Variants in ACOX1 observed in about 807,000 individuals in gnomAD.
ACOX1 encodes peroxisomal acyl-coenzyme A oxidase 1.
In ACOX1, 41 loss-of-function variants were observed where a neutral mutation model predicts 75.5. The observed-to-expected ratio is 0.54, with a 90% confidence interval of 0.42 to 0.70. The LOEUF (loss-of-function observed/expected upper bound fraction) is 0.70, where lower values mean the gene tolerates loss of function less well. Ranked by LOEUF, ACOX1 falls within the 30% of genes least tolerant of loss-of-function variation. The pLI is 0.00. For synonymous variants in ACOX1, 303 were observed against 298.8 expected (o/e 1.01, Z -0.15); for missense variants, 630 against 837.5 (o/e 0.75, Z 3.06).
Position 75,943,162 on chromosome 17 carries a change from A to T in ACOX1, c.*3586T>A, listed in dbSNP as rs2144218258. 6.7e-6 allele frequency: 1 copy of T among 149,360 alleles called. No individual in the cohort carries two copies. Among genetic ancestry groups the T allele is most frequent in the African/African-American group, 2.5e-5 (1 of 40,538 alleles). 9.3% of individuals were successfully genotyped at this position (149,360 alleles called of 1,614,324 possible). ...AATCGCTCGAACCCGGGAGGTGAAG[A>T]TTGCAGTGAAGTCGAGATCGCACCA... On this transcript the variant is annotated 3_prime_UTR_variant, in exon 14 of 14. Coordinates refer to ENST00000293217, the MANE Select transcript of ACOX1 (RefSeq NM_004035.7).
rs762956777 is a variant in ACOX1 at position 75,949,727 on chromosome 17, C to T, written c.1469G>A (p.Arg490His). 89 of 1,614,024 alleles carry T rather than the reference C, an allele frequency of 5.5e-5. No individual in the cohort carries two copies. The highest frequency in any genetic ancestry group is 2.9e-4 in the South Asian group (26 of 91,088). The change falls in exon 10 of 14, where the codon CGT becomes CAT. Residue 490 changes from arginine to histidine, a missense_variant. Arg to His is a conservative substitution (Grantham distance 29). Around this residue, in one of 2 missense-constraint regions of ACOX1, gnomAD observed 240 missense variants for 262.7 expected, o/e 0.91. Coordinates refer to ENST00000293217, the MANE Select transcript of ACOX1 (RefSeq NM_004035.7). ...PESLTEAYKLRAARLVEIAAK... is the reference protein window; with the variant it reads ...PESLTEAYKLHAARLVEIAAK... The stretch of plus-strand genomic sequence containing the variant: ...TTGAGGGAGAGCTCACCTGGCTGCA[C>T]GGAGTTTATATGCTTCGGTTAGGCT...
rs200608977 is a variant in ACOX1, at chr17:75,949,778, G to A, written c.1418C>T (p.Thr473Ile). The A allele has an allele frequency of 2.6e-4, 427 of 1,614,120 alleles. 1 individual carries two copies. Among genetic ancestry groups the A allele is most frequent in the Admixed American group, 1.0e-3 (61 of 59,996 alleles). The change falls in exon 10 of 14, where the codon ACC becomes ATC. Residue 473 changes from threonine (T) to isoleucine (I), a missense_variant. By Grantham distance (89) the Thr-to-Ile change is moderately conservative (BLOSUM62 -1). Around this residue, in one of 2 missense-constraint regions of ACOX1, gnomAD observed 240 missense variants for 262.7 expected, o/e 0.91. Transcript: ENST00000293217. ...IQPQQVAVWP[T>I]MVDINSPESL... ...TTCGGGGCTGTTGATATCCACCATG[G>A]TTGGCCAGACTGCTACCTGCTGTGG...
At chr17:75,965,567 T>C (rs770198197) in intron 2 of ACOX1, among the ~76,000 whole-genome samples, 1 of 144,738 alleles carries the variant, frequency 6.9e-6, no homozygotes, top group African/African-American at 2.5e-5. Context: ...CAAGCTTAAA[T>C]ACCAAATACA....
chr17:75,956,913 CTCTCTCTCT>C lies in ACOX1; in HGVS notation c.538+537_538+545del, dbSNP rs1567877663. ...ATGTGCCGCTATGCCTGGCTTTCCT[CTCTCTCTCT>C]CTCTCTCTCTCTCTCTCTCTCTCTC... On this transcript the variant is annotated intron_variant, in intron 4 of 13. Coordinates refer to ENST00000293217, the MANE Select transcript of ACOX1 (RefSeq NM_004035.7). Among the ~76,000 whole-genome samples the C allele has an allele frequency of 9.5e-4, 41 of 42,932 alleles. 5 individuals are homozygous for C. Among genetic ancestry groups the C allele is most frequent in the African/African-American group, 1.7e-3 (17 of 10,112 alleles). 28.2% of individuals were successfully genotyped at this position (42,932 alleles called of 152,430 possible).
chr17:75,942,340 G>C lies in ACOX1; in HGVS notation c.*4408C>G, dbSNP rs1024601800. 1 of 143,558 alleles carries C rather than the reference G, an allele frequency of 7.0e-6. No homozygotes were observed. Among genetic ancestry groups the C allele is most frequent in the African/African-American group, 2.6e-5 (1 of 38,404 alleles). 8.9% of individuals were successfully genotyped at this position (143,558 alleles called of 1,614,324 possible). On this transcript the variant is annotated 3_prime_UTR_variant, in exon 14 of 14. Transcript: ENST00000293217. ...CAGCTTCTCAGGAGGCTGAGGCAGA[G>C]AATTGCTTGAACCCGGGAGGCAGAG... is the stretch of plus-strand genomic sequence containing the variant.
rs12325804 is a variant in ACOX1, at chr17:75,953,306, G to C, written c.944+145C>G. 46 of 832,918 alleles carry C rather than the reference G, an allele frequency of 5.5e-5. No individual in the cohort carries two copies. The African/African-American group carries it at 7.1e-4, about 13-fold the overall frequency. 51.6% of individuals were successfully genotyped at this position (832,918 alleles called of 1,614,324 possible). On this transcript the variant is annotated intron_variant, in intron 7 of 13. Coordinates refer to ENST00000293217, the MANE Select transcript of ACOX1 (RefSeq NM_004035.7). ...TTTCCTCTTAAGAAAAGGAAGCCTA[G>C]ATATGAAATTACAGGCCCAGTTATC... is the stretch of plus-strand genomic sequence containing the variant.
At chr17:75,964,898 A>G (rs1412035972) in intron 2 of ACOX1, among the ~76,000 whole-genome samples, 1 of 152,210 alleles carries the variant, frequency 6.6e-6, no homozygotes, top group Non-Finnish European at 1.5e-5. Context: ...TACTGAGGAA[A>G]AACCAATTAG....
chr17:75,971,977 C>T (rs1220613504), intron 2 of ACOX1, among the ~76,000 whole-genome samples: 1 of 152,096 alleles, frequency 6.6e-6, no homozygotes, highest in African/African-American at 2.4e-5. Context: ...TTACAACACA[C>T]ACACACACCA....
Position 75,946,594 on chromosome 17 carries a change from A to C in ACOX1, c.*154T>G. 1.4e-6 allele frequency: 1 copy of C among 690,808 alleles called. No individual in the cohort carries two copies. The highest frequency in any genetic ancestry group is 1.6e-5 in the South Asian group (1 of 62,570). 42.8% of individuals were successfully genotyped at this position (690,808 alleles called of 1,614,324 possible). On this transcript the variant is annotated 3_prime_UTR_variant, in exon 14 of 14. Transcript: ENST00000293217. ...TTAAAACATCTGCTTTTTTTCATTT[A>C]ATCTCTGAAATCTGTTCATTTTTTC...
chr17:75,957,329 C>T, intron 4 of ACOX1, 130 bp downstream of exon 4: 1 of 832,424 alleles, frequency 1.2e-6, no homozygotes, highest in South Asian at 1.4e-5. Context: ...GATCTGCCCA[C>T]CTCAGCCTCC....
rs185329691 is a variant in ACOX1, at chr17:75,949,484, C to T, written c.1584+11G>A. 156 of 1,613,876 alleles carry T rather than the reference C, an allele frequency of 9.7e-5. 1 individual carries two copies. The East Asian group carries it at 3.1e-3, about 32-fold the overall frequency. On this transcript the variant is annotated intron_variant, in intron 11 of 13. Coordinates refer to ENST00000293217, the MANE Select transcript of ACOX1 (RefSeq NM_004035.7). ...GGCAGGGAAGGGGAAAAAGAGAGAA[C>T]TACCACTGACCTCACTTGCTCGAAC...
At position 75,950,947 on chromosome 17, in the gene ACOX1, A is replaced by C; in HGVS notation, c.1125T>G (p.Ala375=). The C allele has an allele frequency of 6.2e-7, 1 of 1,614,152 alleles. No homozygotes were observed. The highest frequency in any genetic ancestry group is 8.5e-7 in the Non-Finnish European group (1 of 1,180,014). The change falls in exon 9 of 14, where the codon GCT becomes GCG. Residue 375 remains alanine, a synonymous_variant. Coordinates refer to ENST00000293217, the MANE Select transcript of ACOX1 (RefSeq NM_004035.7). This position sits in a 1 kb window ranked among gnomAD's most constrained non-coding sequence, Gnocchi z 4.3. ...SELPELHALT[A]GLKAFTSWTA... ...TCCAGGAGGTGAAAGCCTTCAGTCC[A>C]GCGGTGAGGGCATGAAGCTGAGAGG...
intron 3 of ACOX1, among the ~76,000 whole-genome samples, chr17:75,959,208 C>T (rs901068836): frequency 6.6e-6 from 1 of 152,176 alleles, no homozygotes; most frequent in Non-Finnish European, 1.5e-5. Flanking sequence ...AGTTGAATAA[C>T]CAACTTATGT....
In ACOX1 at chr17:75,942,429, C is replaced by CAAAAAAAAAAAAAAAAA. The variant is rs35173085; in HGVS notation, c.*4302_*4318dup. ...TGGGTGAAAGAGCAAGACAACGTCT[C>CAAAAAAAAAAAAAAAAA]AAAAAAAAAAAAAAAAAAAAAAGCA... is the stretch of plus-strand genomic sequence containing the variant. On this transcript the variant is annotated 3_prime_UTR_variant, in exon 14 of 14. Transcript: ENST00000293217. 1.5e-5 allele frequency: 1 copy of CAAAAAAAAAAAAAAAAA among 66,634 alleles called. No homozygotes were observed. 4.1% of individuals were successfully genotyped at this position (66,634 alleles called of 1,614,324 possible).
rs942060375 is a variant in ACOX1 at position 75,978,244 on chromosome 17, G to A, written c.269+290C>T. Among the ~76,000 whole-genome samples, 1 of 151,978 alleles carries A rather than the reference G, an allele frequency of 6.6e-6. No homozygotes were observed. The highest frequency in any genetic ancestry group is 1.5e-5 in the Non-Finnish European group (1 of 68,004). ...CGAGTAGCTGGAACTACAGGCGCCC[G>A]CCACCACGCCCGGCTAATTTTTGTA... is the stretch of plus-strand genomic sequence containing the variant. On this transcript the variant is annotated intron_variant, in intron 2 of 13. Coordinates refer to ENST00000293217, the MANE Select transcript of ACOX1 (RefSeq NM_004035.7). This position sits in a 1 kb window ranked among gnomAD's most constrained non-coding sequence, Gnocchi z 4.2.
At chr17:75,972,020 A>C (rs1210741659) in intron 2 of ACOX1, among the ~76,000 whole-genome samples, 2 of 152,146 alleles carry the variant, frequency 1.3e-5, no homozygotes, top group African/African-American at 4.8e-5. Flanking sequence ...CAGATACTCC[A>C]AGCGAGGAGG....
At chr17:75,971,749 A>G (rs967542934) in intron 2 of ACOX1, among the ~76,000 whole-genome samples, 10 of 151,962 alleles carry the variant, frequency 6.6e-5, no homozygotes, top group Non-Finnish European at 1.0e-4. Context: ...CTCAAAAAAA[A>G]AAAAAAAAAT....
intron 2 of ACOX1, chr17:75,973,662 C>T (rs2066017559): frequency 1.2e-6 from 2 of 1,614,220 alleles, no homozygotes; most frequent in Non-Finnish European, 8.5e-7. Flanking sequence ...TGCCAATTAT[C>T]TGGAGTCCTT....
rs2065714427 is a variant in ACOX1 at position 75,945,764 on chromosome 17, T to C, written c.*984A>G. The C allele has an allele frequency of 6.5e-6, 1 of 153,588 alleles. No individual in the cohort carries two copies. The highest frequency in any genetic ancestry group is 1.5e-5 in the Non-Finnish European group (1 of 68,046). 9.5% of individuals were successfully genotyped at this position (153,588 alleles called of 1,614,324 possible). A position where few individuals can be genotyped will look rare whatever the true frequency, so the allele number is the denominator to read the frequency against. ...CTTCCATTTTTCTAACTATAGTTTT[T>C]TGTTTTTGTTTTTTCCCAGTTGTTA... On this transcript the variant is annotated 3_prime_UTR_variant, in exon 14 of 14. Transcript: ENST00000293217.
Sources: allele counts gnomAD v4.1 joint callset (sites outside exome capture counted in the v4.1 genomes callset), GRCh38; gene constraint gnomAD v4.1.1; regional missense constraint gnomAD v4.1.1; non-coding constraint Gnocchi (gnomAD v3.1); transcripts MANE v1.5; gene names NCBI Gene and HGNC (gene_info 2026-07-23, HGNC 2026-07-21).